The following SORCS2 variants were observed in gnomAD, a reference collection of about 807,000 sequenced individuals.
The protein encoded by SORCS2 is VPS10 domain-containing receptor SorCS2.
In SORCS2, 100 loss-of-function variants were observed where a neutral mutation model predicts 141.6. The ratio of observed to expected loss-of-function variants is 0.71; its 90% confidence interval spans 0.60 to 0.83. The LOEUF is 0.83. Ranked by LOEUF, SORCS2 falls within the 40% of genes least tolerant of loss-of-function variation. SORCS2 has a pLI of 0.00. For synonymous variants in SORCS2, 789 were observed against 676.9 expected (o/e 1.17, Z -2.57); for missense variants, 1,646 against 1,560.2 (o/e 1.05, Z -0.93).
chr4:7,234,407 ATTAC>A (rs1017574748), intron 1 of SORCS2, among the ~76,000 whole-genome samples: 1 of 152,202 alleles, frequency 6.6e-6, no homozygotes, highest in African/African-American at 2.4e-5. Context: ...GGAAGGAAGT[ATTAC>A]TTTGAATTGC....
chr4:7,639,645 A>T (rs765732550), intron 4 of SORCS2, among the ~76,000 whole-genome samples: 1 of 146,206 alleles, frequency 6.8e-6, no homozygotes, highest in Non-Finnish European at 1.5e-5. Context: ...GGGAGTGTGT[A>T]TATGAATGTG....
At chr4:7,689,701 A>G in intron 11 of SORCS2, 113 bp downstream of exon 11, 1 of 939,794 alleles carries the variant, frequency 1.1e-6, no homozygotes, top group Non-Finnish European at 1.6e-6. Flanking sequence ...TATGTCCTTT[A>G]GGAGGCAGTA....
At chr4:7,711,847 G>A (rs1467825633) in intron 14 of SORCS2, among the ~76,000 whole-genome samples, 1 of 152,172 alleles carries the variant, frequency 6.6e-6, no homozygotes, top group Non-Finnish European at 1.5e-5. Context: ...ATGCCGCAGG[G>A]TGCCTCCCCA....
intron 2 of SORCS2, among the ~76,000 whole-genome samples, chr4:7,474,547 T>C (rs1340693465): frequency 2.6e-5 from 4 of 152,120 alleles, no homozygotes; most frequent in Non-Finnish European, 5.9e-5. Flanking sequence ...TCGGAGCAAG[T>C]GTCACAGAGT....
intron 26 of SORCS2, among the ~76,000 whole-genome samples, chr4:7,739,764 G>A (rs779401213): frequency 3.5e-4 from 54 of 152,194 alleles, no homozygotes; most frequent in Non-Finnish European, 5.7e-4. Context: ...CGGGACACCC[G>A]GCTCACCCCT....
intron 2 of SORCS2, among the ~76,000 whole-genome samples, chr4:7,461,518 G>A (rs1457032222): frequency 1.3e-5 from 2 of 152,248 alleles, no homozygotes; most frequent in Non-Finnish European, 2.9e-5. Flanking sequence ...GCCGCACTGT[G>A]CTGGGATTTT....
At chr4:7,311,147 G>C (rs1438984751) in intron 1 of SORCS2, among the ~76,000 whole-genome samples, 2 of 152,092 alleles carry the variant, frequency 1.3e-5, no homozygotes, top group Non-Finnish European at 2.9e-5. Context: ...CTATAGATCA[G>C]TTGGCCTTTC....
intron 1 of SORCS2, among the ~76,000 whole-genome samples, chr4:7,289,901 G>T (rs748475605): frequency 2.0e-5 from 3 of 152,082 alleles, no homozygotes; most frequent in Non-Finnish European, 4.4e-5. Context: ...ATTCTGCATC[G>T]CCATTGTCAC....
intron 3 of SORCS2, among the ~76,000 whole-genome samples, chr4:7,609,270 C>T (rs1053411785): frequency 2.6e-4 from 39 of 152,178 alleles, no homozygotes; most frequent in Admixed American, 1.7e-3. Context: ...GAAAGGAATA[C>T]ATTGGTTAAA....
chr4:7,275,258 C>T (rs1231196828), intron 1 of SORCS2, among the ~76,000 whole-genome samples: 1 of 152,198 alleles, frequency 6.6e-6, no homozygotes, highest in South Asian at 2.1e-4. Flanking sequence ...TATGTTTCTC[C>T]ATGACTCGAA....
chr4:7,464,907 G>A (rs931075266), intron 2 of SORCS2, among the ~76,000 whole-genome samples: 1 of 152,198 alleles, frequency 6.6e-6, no homozygotes, highest in Non-Finnish European at 1.5e-5. Context: ...CGGCGCCTCC[G>A]GCCATGGGTC....
chr4:7,237,315 G>A (rs897909985), intron 1 of SORCS2, among the ~76,000 whole-genome samples: 10 of 152,326 alleles, frequency 6.6e-5, no homozygotes, highest in African/African-American at 2.2e-4. Flanking sequence ...GTTATTTGAA[G>A]AAAGGCTTTA....
At chr4:7,585,320 C>T (rs185955114) in intron 3 of SORCS2, among the ~76,000 whole-genome samples, 4 of 152,290 alleles carry the variant, frequency 2.6e-5, no homozygotes, top group East Asian at 3.9e-4. Flanking sequence ...TATCTCAAAA[C>T]CCGCCGGACT....
At chr4:7,467,433 A>T (rs1001084500) in intron 2 of SORCS2, among the ~76,000 whole-genome samples, 4 of 152,174 alleles carry the variant, frequency 2.6e-5, no homozygotes, top group Admixed American at 2.0e-4. Context: ...GGCGACTGCC[A>T]GGTCACCTTG....
At chr4:7,196,073 T>C (rs1280277769) in intron 1 of SORCS2, among the ~76,000 whole-genome samples, 1 of 152,228 alleles carries the variant, frequency 6.6e-6, no homozygotes, top group Non-Finnish European at 1.5e-5. Context: ...TTTAACATTA[T>C]GTGGGTTTTC....
At chr4:7,332,489 A>G (rs1392307209) in intron 1 of SORCS2, among the ~76,000 whole-genome samples, 1 of 152,190 alleles carries the variant, frequency 6.6e-6, no homozygotes, top group Non-Finnish European at 1.5e-5. Context: ...AGCCTGGAGA[A>G]ATCAGCTTCC....
intron 15 of SORCS2, among the ~76,000 whole-genome samples, chr4:7,713,105 GTC>G (rs1725937618): frequency 6.6e-6 from 1 of 152,206 alleles, no homozygotes; most frequent in Non-Finnish European, 1.5e-5. Context: ...AGGGGCTACA[GTC>G]TCTACTCCAG....
At chr4:7,465,380 C>T (rs1729555184) in intron 2 of SORCS2, among the ~76,000 whole-genome samples, 1 of 152,140 alleles carries the variant, frequency 6.6e-6, no homozygotes, top group Admixed American at 6.5e-5. Context: ...GGTATTCGGG[C>T]TTTATCCAAG....
At chr4:7,345,131 T>G (rs1475818367) in intron 1 of SORCS2, among the ~76,000 whole-genome samples, 1 of 152,216 alleles carries the variant, frequency 6.6e-6, no homozygotes, top group Non-Finnish European at 1.5e-5. Flanking sequence ...ACTCGTACTA[T>G]GCTGGGCCCC....
Sources: allele counts gnomAD v4.1 joint callset (sites outside exome capture counted in the v4.1 genomes callset), GRCh38; gene constraint gnomAD v4.1.1; transcripts MANE v1.5; gene names NCBI Gene and HGNC (gene_info 2026-07-23, HGNC 2026-07-21).